Variants in COMMD10 observed in about 807,000 individuals in gnomAD.
COMMD10 encodes the protein COMM domain-containing protein 10.
Under a neutral mutation model 28.9 loss-of-function variants are expected in COMMD10, and 33 were observed. That is an observed-to-expected ratio of 1.14 (90% CI 0.87 to 1.53). The LOEUF (loss-of-function observed/expected upper bound fraction) is 1.53, where lower values mean the gene tolerates loss of function less well. Among genes scored for constraint, COMMD10 ranks in the 40% most tolerant of loss-of-function variants. COMMD10 has a pLI of 0.00. For missense variants in COMMD10, 310 were observed against 233.4 expected (o/e 1.33, Z -2.14); for synonymous variants, 110 against 81.7 (o/e 1.35, Z -1.87).
At chr5:116,197,893 A>T (rs1374688784) in intron 5 of COMMD10, among the ~76,000 whole-genome samples, 1 of 152,178 alleles carries the variant, frequency 6.6e-6, no homozygotes, top group Non-Finnish European at 1.5e-5. Context: ...AGAAGTAGAA[A>T]TACTAAGTGC....
At chr5:116,168,558 T>C (rs1229022286) in intron 5 of COMMD10, among the ~76,000 whole-genome samples, 1 of 152,134 alleles carries the variant, frequency 6.6e-6, no homozygotes, top group African/African-American at 2.4e-5. Flanking sequence ...CCCGCACTTA[T>C]TCTAAAATTG....
In COMMD10 at chr5:116,110,127, A is replaced by G. The variant is rs551516984; in HGVS notation, c.399+17427A>G. Among the ~76,000 whole-genome samples the G allele has an allele frequency of 5.9e-5, 9 of 152,304 alleles. No individual in the cohort carries two copies. In the South Asian group the frequency reaches 1.5e-3, roughly 25 times the overall value. ...TGCTATTTCTCAGTCTATTGGTTTG[A>G]TCATAAAGTTTTTCTCCTTCATTCT... On this transcript the variant is annotated intron_variant, in intron 4 of 6. Coordinates refer to ENST00000274458, the MANE Select transcript of COMMD10 (RefSeq NM_016144.4).
At chr5:116,112,263 A>G (rs1463974711) in intron 4 of COMMD10, among the ~76,000 whole-genome samples, 1 of 152,208 alleles carries the variant, frequency 6.6e-6, no homozygotes, top group African/African-American at 2.4e-5. Context: ...TTATCTGATA[A>G]AAATATAGCT....
intron 5 of COMMD10, among the ~76,000 whole-genome samples, chr5:116,245,591 A>G (rs1749928690): frequency 6.6e-6 from 1 of 152,166 alleles, no homozygotes; most frequent in Non-Finnish European, 1.5e-5. Context: ...AAAGTCCTCA[A>G]CAAAATACTG....
intron 5 of COMMD10, among the ~76,000 whole-genome samples, chr5:116,172,873 G>T (rs545423336): frequency 6.6e-6 from 1 of 152,072 alleles, no homozygotes; most frequent in African/African-American, 2.4e-5. Context: ...CAGTGTTCTT[G>T]CAAAAATTTG....
At chr5:116,256,506 T>A (rs1750290086) in intron 5 of COMMD10, among the ~76,000 whole-genome samples, 1 of 151,756 alleles carries the variant, frequency 6.6e-6, no homozygotes, top group African/African-American at 2.4e-5. Context: ...TTAATGGTTC[T>A]TGGATTTATG....
intron 5 of COMMD10, among the ~76,000 whole-genome samples, chr5:116,259,901 T>G (rs1263253291): frequency 6.6e-6 from 1 of 151,718 alleles, no homozygotes; most frequent in Non-Finnish European, 1.5e-5. Context: ...TGAGCCTCTA[T>G]AGCAGACTCA....
chr5:116,286,116 C>G (rs148049123), intron 5 of COMMD10, among the ~76,000 whole-genome samples: 1 of 151,656 alleles, frequency 6.6e-6, no homozygotes, highest in Non-Finnish European at 1.5e-5. Context: ...ATTTATCCAT[C>G]TTGTCTTAGG....
intron 5 of COMMD10, among the ~76,000 whole-genome samples, chr5:116,169,110 TAAA>T (rs1753233396): frequency 6.6e-6 from 1 of 151,800 alleles, no homozygotes; most frequent in African/African-American, 2.4e-5. Context: ...GCCACACTAA[TAAA>T]GAAGAAAAGA....
In COMMD10 at chr5:116,292,414, C is replaced by T. The variant is rs563729983; in HGVS notation, c.571-37C>T. ...CACTTGATATGAGTTTCGTTCCCTT[C>T]ACTAACGTCTTTTTTTTTTTTTGTC... On this transcript the variant is annotated intron_variant, in intron 6 of 6. Transcript: ENST00000274458. 14 of 1,434,952 alleles carry T rather than the reference C, an allele frequency of 9.8e-6. No individual in the cohort carries two copies. The South Asian group carries it at 1.4e-4, about 14-fold the overall frequency. 88.9% of individuals were successfully genotyped at this position (1,434,952 alleles called of 1,614,324 possible).
chr5:116,117,103 T>C (rs1036224389), intron 4 of COMMD10, among the ~76,000 whole-genome samples: 3 of 152,210 alleles, frequency 2.0e-5, no homozygotes, highest in Non-Finnish European at 4.4e-5. Context: ...TTACATTTAT[T>C]AGTAATTCTT....
chr5:116,237,496 T>C (rs1479878801), intron 5 of COMMD10, among the ~76,000 whole-genome samples: 2 of 152,102 alleles, frequency 1.3e-5, no homozygotes, highest in African/African-American at 2.4e-5. Flanking sequence ...GCTTTTATTT[T>C]AAAATGTAGA....
At chr5:116,270,587 C>G (rs1322771987) in intron 5 of COMMD10, among the ~76,000 whole-genome samples, 1 of 151,764 alleles carries the variant, frequency 6.6e-6, no homozygotes, top group Non-Finnish European at 1.5e-5. Context: ...GGCATGGGGA[C>G]TAGAAAGAAC....
chr5:116,132,898 T>G (rs1386995656), intron 4 of COMMD10, among the ~76,000 whole-genome samples: 1 of 152,156 alleles, frequency 6.6e-6, no homozygotes, highest in Non-Finnish European at 1.5e-5. Flanking sequence ...ATCTTCCTTC[T>G]TTTTACCCAT....
chr5:116,134,698 G>T (rs1403904634), intron 5 of COMMD10, among the ~76,000 whole-genome samples: 1 of 152,122 alleles, frequency 6.6e-6, no homozygotes, highest in South Asian at 2.1e-4. Context: ...TCGGCTCACT[G>T]CAGGCTCCGC....
Position 116,282,684 on chromosome 5 carries a change from G to T in COMMD10, c.511-8833G>T, listed in dbSNP as rs72808915. Reference sequence around the variant, plus strand: ...CTTCTAAAGCATCTCTCCTTGGCTTGTAAATGGTTGTCTTTCTCTGGTGTC... The same window carrying T: ...CTTCTAAAGCATCTCTCCTTGGCTTTTAAATGGTTGTCTTTCTCTGGTGTC... On this transcript the variant is annotated intron_variant, in intron 5 of 6. Transcript: ENST00000274458. Among the ~76,000 whole-genome samples the T allele has an allele frequency of 2.9e-3, 445 of 152,006 alleles. 5 individuals are homozygous for T. Among genetic ancestry groups the T allele is most frequent in the Non-Finnish European group, 4.0e-3 (275 of 68,006 alleles).
At chr5:116,137,854 T>C (rs1752075300) in intron 5 of COMMD10, among the ~76,000 whole-genome samples, 1 of 151,994 alleles carries the variant, frequency 6.6e-6, no homozygotes, top group East Asian at 1.9e-4. Context: ...TATTTTGATA[T>C]GTATTCTAGT....
chr5:116,181,043 C>T (rs1008001064), intron 5 of COMMD10, among the ~76,000 whole-genome samples: 8 of 152,000 alleles, frequency 5.3e-5, no homozygotes, highest in African/African-American at 1.9e-4. Context: ...ACTTGGTGGG[C>T]TAAGGTGGGA....
At chr5:116,180,076 G>A (rs1747897618) in intron 5 of COMMD10, among the ~76,000 whole-genome samples, 2 of 152,012 alleles carry the variant, frequency 1.3e-5, no homozygotes, top group South Asian at 2.1e-4. Context: ...TAAAATATAG[G>A]ATTTTAGGTT....
Sources: gnomAD v4.1 joint callset for allele counts (sites outside exome capture counted in the v4.1 genomes callset) on GRCh38, gnomAD v4.1.1 for gene constraint, MANE v1.5 for transcripts, NCBI Gene and HGNC (gene_info 2026-07-23, HGNC 2026-07-21) for gene names.